DENND1B: variants seen among roughly 807,000 people sequenced by gnomAD.
DENND1B encodes DENN domain containing 1B, also known as DENN domain-containing protein 1B.
DENND1B carries 59 observed loss-of-function variants against 90.1 expected under a neutral mutation model. The ratio of observed to expected loss-of-function variants is 0.65; its 90% CI spans 0.53 to 0.81. DENND1B has a LOEUF of 0.81. Ranked by LOEUF, DENND1B falls within the 40% of genes least tolerant of loss-of-function variation. DENND1B has a pLI of 0.00. For synonymous variants in DENND1B, 337 were observed against 324.6 expected (o/e 1.04, Z -0.41); for missense variants, 862 against 912.6 (o/e 0.94, Z 0.71).
intron 14 of DENND1B, among the ~76,000 whole-genome samples, chr1:197,587,014 G>GGA (rs1161806734): frequency 6.6e-6 from 1 of 152,150 alleles, no homozygotes; most frequent in Non-Finnish European, 1.5e-5. Context: ...CAAGTACAGG[G>GGA]GATCTGGGCA....
At chr1:197,552,985 T>C (rs758937291) in intron 16 of DENND1B, 37 bp downstream of exon 16, 1 of 1,560,740 alleles carries the variant, frequency 6.4e-7, no homozygotes, top group Admixed American at 2.2e-5. Flanking sequence ...AAATTGTTAT[T>C]GAGAAAATGG....
rs553673945 is a variant in DENND1B at position 197,734,359 on chromosome 1, T to A, written c.83-19285A>T. On this transcript the variant is annotated intron_variant, in intron 2 of 22. Transcript: ENST00000620048. Reference sequence around the variant, plus strand: ...GATAATTCTCTCAAGTATATTAAGTTATGGTTGAGTTCATGAATATTTACA... The same window carrying A: ...GATAATTCTCTCAAGTATATTAAGTAATGGTTGAGTTCATGAATATTTACA... The A allele has an allele frequency of 9.2e-6, 9 of 974,976 alleles. No homozygotes were observed. The African/African-American group carries it at 1.6e-4, about 17-fold the overall frequency. 60.4% of individuals were successfully genotyped at this position (974,976 alleles called of 1,614,324 possible).
At chr1:197,616,952 T>C (rs1677708853) in intron 11 of DENND1B, among the ~76,000 whole-genome samples, 2 of 151,052 alleles carry the variant, frequency 1.3e-5, no homozygotes, top group Admixed American at 6.6e-5. Flanking sequence ...AGCTGCTATT[T>C]AGAAGTCTAA....
chr1:197,735,244 G>T (rs1395512331), intron 2 of DENND1B: 22 of 1,078,040 alleles, frequency 2.0e-5, no homozygotes, highest in Non-Finnish European at 2.5e-5. Flanking sequence ...TCTGTAAAAT[G>T]ATTACAGTAC....
chr1:197,512,182 C>T (rs965124233), intron 21 of DENND1B, among the ~76,000 whole-genome samples: 1 of 151,674 alleles, frequency 6.6e-6, no homozygotes, highest in Non-Finnish European at 1.5e-5. Flanking sequence ...AGAAGCAGGG[C>T]TTTTCACAGT....
At chr1:197,602,943 CCTT>C (rs1329302884) in intron 13 of DENND1B, among the ~76,000 whole-genome samples, 4 of 151,230 alleles carry the variant, frequency 2.6e-5, no homozygotes, top group African/African-American at 9.7e-5. Flanking sequence ...TTAATGCACT[CCTT>C]CTTATGATTC....
intron 15 of DENND1B, among the ~76,000 whole-genome samples, chr1:197,568,118 T>C (rs1049455385): frequency 1.3e-5 from 2 of 151,762 alleles, no homozygotes; most frequent in Non-Finnish European, 2.9e-5. Context: ...CTCTAAAGAC[T>C]TGAGCAAAAA....
chr1:197,651,015 GAAAAATTA>G (rs1653096553), intron 7 of DENND1B, among the ~76,000 whole-genome samples: 1 of 151,718 alleles, frequency 6.6e-6, no homozygotes, highest in Non-Finnish European at 1.5e-5. Flanking sequence ...ATAACTTATG[GAAAAATTA>G]AAAAATTAAT....
chr1:197,697,439 T>G (rs1227643121), intron 3 of DENND1B, among the ~76,000 whole-genome samples: 1 of 151,770 alleles, frequency 6.6e-6, no homozygotes. Flanking sequence ...CAATAGGGTA[T>G]CACACTCAAT....
rs1037969107 is a variant in DENND1B at position 197,507,750 on chromosome 1, C to T, written c.*2710G>A. 7 of 151,462 alleles carry T rather than the reference C, an allele frequency of 4.6e-5. No individual in the cohort carries two copies. The highest frequency in any genetic ancestry group is 8.9e-5 in the Non-Finnish European group (6 of 67,676). 9.4% of individuals were successfully genotyped at this position (151,462 alleles called of 1,614,324 possible). A position where few individuals can be genotyped will look rare whatever the true frequency, so the allele number is the denominator to read the frequency against. On this transcript the variant is annotated 3_prime_UTR_variant, in exon 23 of 23. Transcript: ENST00000620048. Reference sequence around the variant, plus strand: ...TAGAATATAACACTTTCCTTTATTTCGGAACTCACCCAGTTTAATTTCATT... The same window carrying T: ...TAGAATATAACACTTTCCTTTATTTTGGAACTCACCCAGTTTAATTTCATT...
chr1:197,598,691 G>A (rs1055828523), intron 13 of DENND1B, among the ~76,000 whole-genome samples: 5 of 151,672 alleles, frequency 3.3e-5, no homozygotes, highest in African/African-American at 9.7e-5. Flanking sequence ...TAGTCATATG[G>A]CTATTATCAC....
In DENND1B at chr1:197,599,689, AC is replaced by A. The variant is rs1676025896; in HGVS notation, c.922-4357del. 2.0e-5 allele frequency among the ~76,000 whole-genome samples: 3 copies of A among 151,912 alleles called. No individual in the cohort carries two copies. The South Asian group carries it at 6.2e-4, about 32-fold the overall frequency. On this transcript the variant is annotated intron_variant, in intron 13 of 22. Transcript: ENST00000620048. ...CAGTTTATTAAGAAGCAAAATTAAC[AC>A]TTCTCTCTTAATAATTTTCTAACAA...
chr1:197,708,168 C>G (rs1686229441), intron 3 of DENND1B, among the ~76,000 whole-genome samples: 1 of 97,128 alleles, frequency 1.0e-5, no homozygotes, highest in Non-Finnish European at 2.0e-5. Flanking sequence ...CCCGCCATTG[C>G]CCAGGCTTGC....
At chr1:197,642,868 G>T in intron 9 of DENND1B, 47 bp from the exon 10 acceptor site, 1 of 1,374,556 alleles carries the variant, frequency 7.3e-7, no homozygotes, top group Non-Finnish European at 1.0e-6. Flanking sequence ...CATAGTGAAT[G>T]TGAAGAAAAA....
chr1:197,763,641 C>T (rs958209471), intron 2 of DENND1B, among the ~76,000 whole-genome samples: 1 of 152,184 alleles, frequency 6.6e-6, no homozygotes, highest in African/African-American at 2.4e-5. Flanking sequence ...ATTATTCACA[C>T]AAGATTTTGA....
chr1:197,567,854 T>C (rs74439420), intron 15 of DENND1B, among the ~76,000 whole-genome samples: 2,662 of 152,186 alleles, frequency 0.017, 76 homozygotes, highest in African/African-American at 0.06. Flanking sequence ...GCTAATATAA[T>C]AGTCAATGGT....
rs77842590 is a variant in DENND1B, at chr1:197,636,510, G to A, written c.672+6201C>T. On this transcript the variant is annotated intron_variant, in intron 10 of 22. Coordinates refer to ENST00000620048, the MANE Select transcript of DENND1B (RefSeq NM_001195215.2). ...TGGTTAAACCAATTCCTAGTACTAT[G>A]GCCTTGATCAACTTACTCCCTCTCA... 1.3e-3 allele frequency among the ~76,000 whole-genome samples: 192 copies of A among 152,140 alleles called. 1 individual carries two copies. The highest frequency in any genetic ancestry group is 4.5e-3 in the African/African-American group (185 of 41,516).
chr1:197,777,089 C>T (rs928529054), upstream of DENND1B, among the ~76,000 whole-genome samples: 5 of 151,260 alleles, frequency 3.3e-5, no homozygotes, highest in Middle Eastern at 6.8e-3. Context: ...TGACCATACT[C>T]CAAAGCCTTG....
intron 18 of DENND1B, among the ~76,000 whole-genome samples, chr1:197,542,671 T>A (rs1485183319): frequency 6.6e-6 from 1 of 152,158 alleles, no homozygotes; most frequent in Non-Finnish European, 1.5e-5. Context: ...AGGAGTTTTA[T>A]TCATAGCAAT....
Sources: gnomAD v4.1 joint callset for allele counts (sites outside exome capture counted in the v4.1 genomes callset) on GRCh38, gnomAD v4.1.1 for gene constraint, MANE v1.5 for transcripts, NCBI Gene and HGNC (gene_info 2026-07-23, HGNC 2026-07-21) for gene names.